The following ALDH18A1 variants were observed in gnomAD, a reference collection of about 807,000 sequenced individuals.
ALDH18A1 encodes delta-1-pyrroline-5-carboxylate synthase.
ALDH18A1 carries 44 observed loss-of-function variants against 88.8 expected under a neutral mutation model. The ratio of observed to expected loss-of-function variants is 0.50; its 90% CI spans 0.39 to 0.64. The LOEUF is 0.64. Among genes scored for constraint, ALDH18A1 ranks in the 30% least tolerant of loss-of-function variants. The pLI, the probability that ALDH18A1 is intolerant of heterozygous loss-of-function variation, is 0.00. For synonymous variants in ALDH18A1, 331 were observed against 372.1 expected, an observed-to-expected ratio of 0.89 and a Z score of 1.27; for missense variants, 782 against 1,009.5, an observed-to-expected ratio of 0.77 and a Z score of 3.05.
In ALDH18A1 at chr10:95,606,811, A is replaced by G; in HGVS notation, c.2339T>C (p.Leu780Ser). ...VVSDFSEHGS[L>S]KYLHENLPIP... ...AGGGAGGTTCTCATGAAGATATTTTAAACTTCCATGCTCTGAGAAATCTGA... is the reference window on the plus strand; with the variant it reads ...AGGGAGGTTCTCATGAAGATATTTTGAACTTCCATGCTCTGAGAAATCTGA... Residue 780 changes from leucine to serine, a missense_variant, in exon 18 of 18, where the codon TTA (leucine) becomes TCA (serine). Transcript: ENST00000371224. The G allele has an allele frequency of 6.2e-7, 1 of 1,614,116 alleles. No individual in the cohort carries two copies. Among genetic ancestry groups the G allele is most frequent in the Admixed American group, 1.7e-5 (1 of 60,014 alleles).
At chr10:95,642,366 C>A (rs2097893355) in intron 3 of ALDH18A1, among the ~76,000 whole-genome samples, 1 of 152,208 alleles carries the variant, frequency 6.6e-6, no homozygotes, top group Non-Finnish European at 1.5e-5. Flanking sequence ...GCAGGCCCAG[C>A]ACTTTGGGAG....
intron 10 of ALDH18A1, among the ~76,000 whole-genome samples, 189 bp from the exon 11 acceptor site, chr10:95,625,644 C>T (rs2097859290): frequency 6.6e-6 from 1 of 152,036 alleles, no homozygotes; most frequent in African/African-American, 2.4e-5. Context: ...TCCTTCCTCT[C>T]TCACTGCCAA....
rs1183327194 is a variant in ALDH18A1, at chr10:95,643,111, C to T, written c.184G>A (p.Ala62Thr). The T allele has an allele frequency of 3.7e-6, 6 of 1,614,162 alleles. No homozygotes were observed. Among genetic ancestry groups the T allele is most frequent in the Admixed American group, 1.7e-5 (1 of 60,018 alleles). ...GCATGCTTCAGCTCACTGCGGTGGG[C>T]GAAGGACTTGCCATGTGTACGACTG... ...PLSRTHGKSF[A>T]HRSELKHAKR... Residue 62 changes from alanine (A) to threonine (T), a missense_variant, in exon 3 of 18, where the codon GCC (alanine) becomes ACC (threonine). By Grantham distance (58) the Ala-to-Thr change is moderately conservative. Transcript: ENST00000371224.
chr10:95,643,096 G>T lies in ALDH18A1; in HGVS notation c.199C>A (p.Leu67Met), dbSNP rs1566039421. The T allele has an allele frequency of 6.2e-7, 1 of 1,614,118 alleles. No homozygotes were observed. Among genetic ancestry groups the T allele is most frequent in the South Asian group, 1.1e-5 (1 of 91,094 alleles). ...ACCACGATTCTCTTGGCATGCTTCA[G>T]CTCACTGCGGTGGGCGAAGGACTTG... is the stretch of plus-strand genomic sequence containing the variant. Reference protein sequence around the residue: ...HGKSFAHRSELKHAKRIVVKL... With the variant: ...HGKSFAHRSEMKHAKRIVVKL... Residue 67 changes from leucine (L) to methionine (M), a missense_variant, in exon 3 of 18, where the codon CTG becomes ATG. By Grantham distance (15) the Leu-to-Met change is conservative. Around this residue, in one of 3 missense-constraint regions of ALDH18A1, gnomAD observed 94 missense variants for 99.5 expected, o/e 0.94. Coordinates refer to ENST00000371224, the MANE Select transcript of ALDH18A1 (RefSeq NM_002860.4).
chr10:95,634,864 G>A lies in ALDH18A1; in HGVS notation c.559-1215C>T, dbSNP rs185330946. On this transcript the variant is annotated intron_variant, in intron 5 of 17. Coordinates refer to ENST00000371224, the MANE Select transcript of ALDH18A1 (RefSeq NM_002860.4). Reference sequence around the variant, plus strand: ...ATAATGCAATCTCTCTAATGTTTACGGAAGAGCGTTCTTGCTGTGTAGGGC... The same window carrying A: ...ATAATGCAATCTCTCTAATGTTTACAGAAGAGCGTTCTTGCTGTGTAGGGC... Among the ~76,000 whole-genome samples the A allele has an allele frequency of 1.8e-3, 278 of 152,276 alleles. 5 individuals are homozygous for A. The highest frequency in any genetic ancestry group is 6.1e-3 in the African/African-American group (255 of 41,564).
Position 95,627,545 on chromosome 10 carries a change from A to C in ALDH18A1, c.975T>G (p.Val325=). 6.2e-7 allele frequency: 1 copy of C among 1,614,136 alleles called. No homozygotes were observed. Among genetic ancestry groups the C allele is most frequent in the Non-Finnish European group, 8.5e-7 (1 of 1,179,978 alleles). ...TTGGGTGGGTTCCATTGGCAATAAC[A>C]ACAGAAGTGCCACCTTGCAAAGCCC... ...ALWALQGGTS[V]VIANGTHPKV... is the part of the protein sequence containing the mutation. The change falls in exon 9 of 18, where the codon GTT becomes GTG. Residue 325 remains valine, a synonymous_variant. Transcript: ENST00000371224.
At chr10:95,642,923 A>T in intron 3 of ALDH18A1, 69 bp downstream of exon 3, 1 of 1,477,464 alleles carries the variant, frequency 6.8e-7, no homozygotes, top group Non-Finnish European at 9.4e-7. Flanking sequence ...TGAGCAACTT[A>T]AACCTAATCT....
At chr10:95,647,854 G>C (rs1589568351) in intron 2 of ALDH18A1, among the ~76,000 whole-genome samples, 1 of 152,382 alleles carries the variant, frequency 6.6e-6, no homozygotes, top group Non-Finnish European at 1.5e-5. Flanking sequence ...ACAAGGTTCG[G>C]AGAGCTTCCA....
At chr10:95,611,204 T>A in intron 16 of ALDH18A1, 52 bp downstream of exon 16, 1 of 1,607,694 alleles carries the variant, frequency 6.2e-7, no homozygotes, top group Non-Finnish European at 8.5e-7. Flanking sequence ...AGGAGCAGGA[T>A]CAGAAAGCAG....
chr10:95,632,117 G>T (rs73327043), intron 7 of ALDH18A1, among the ~76,000 whole-genome samples: 2 of 151,960 alleles, frequency 1.3e-5, no homozygotes, highest in Non-Finnish European at 2.9e-5. Context: ...GAAAAAAGCC[G>T]GTCACAAAGG....
At chr10:95,613,894 A>ATT (rs1315540323) in intron 14 of ALDH18A1, 31 bp from the exon 15 acceptor site, 2 of 1,614,170 alleles carry the variant, frequency 1.2e-6, no homozygotes, top group African/African-American at 1.3e-5. Context: ...AATTGTTTCC[A>ATT]TTGACATGAT....
chr10:95,624,005 T>C (rs1445583176), intron 11 of ALDH18A1, among the ~76,000 whole-genome samples: 2 of 150,768 alleles, frequency 1.3e-5, no homozygotes, highest in Non-Finnish European at 1.5e-5. Context: ...CCAGCAGTAA[T>C]TTTTGTATTT....
chr10:95,634,679 G>A (rs1213289454), intron 5 of ALDH18A1, among the ~76,000 whole-genome samples: 1 of 152,206 alleles, frequency 6.6e-6, no homozygotes, highest in East Asian at 1.9e-4. Flanking sequence ...TGAGCATAAG[G>A]TGCTCAAAGG....
intron 5 of ALDH18A1, among the ~76,000 whole-genome samples, chr10:95,634,486 A>T (rs1229488936): frequency 1.3e-5 from 2 of 152,218 alleles, no homozygotes; most frequent in Non-Finnish European, 2.9e-5. Context: ...GAGTGAGTGA[A>T]AGTGTATTAG....
chr10:95,610,482 TCA>T (rs2097831940), intron 16 of ALDH18A1, among the ~76,000 whole-genome samples, 190 bp from the exon 17 acceptor site: 1 of 152,202 alleles, frequency 6.6e-6, no homozygotes, highest in Middle Eastern at 3.2e-3. Context: ...GCTTCATCAA[TCA>T]CGGTGTTGTG....
chr10:95,606,904 C>T lies in ALDH18A1; in HGVS notation c.2246G>A (p.Arg749Gln), dbSNP rs748925635. 10 of 1,614,158 alleles carry T rather than the reference C, an allele frequency of 6.2e-6. No individual in the cohort carries two copies. The highest frequency in any genetic ancestry group is 2.2e-5 in the East Asian group (1 of 44,886). Residue 749 changes from arginine to glutamine, a missense_variant, in exon 18 of 18, where the codon CGG becomes CAG. By Grantham distance (43) the Arg-to-Gln change is conservative (BLOSUM62 1). Transcript: ENST00000371224. Reference protein sequence around the residue: ...VGISTSRIHARGPVGLEGLLT... With the variant: ...VGISTSRIHAQGPVGLEGLLT... ...CAGTCCCTCAAGTCCTACTGGTCCCCGGGCGTGGATTCTCGATGTACTGAT... is the reference window on the plus strand; with the variant it reads ...CAGTCCCTCAAGTCCTACTGGTCCCTGGGCGTGGATTCTCGATGTACTGAT...
Position 95,621,091 on chromosome 10 carries a change from C to A in ALDH18A1, c.1407G>T (p.Val469=). Reference sequence around the variant, plus strand: ...CCAGCAGAACTCCAATTGGGACAGTCACTTGTTCCAGTTCCAAGTTTTTGG... The same window carrying A: ...CCAGCAGAACTCCAATTGGGACAGTAACTTGTTCCAGTTCCAAGTTTTTGG... The part of the protein sequence containing the change: ...RIAKNLELEQ[V]TVPIGVLLVI... Residue 469 remains valine (V), a synonymous_variant, in exon 12 of 18, where the codon GTG becomes GTT. Transcript: ENST00000371224. 6.2e-7 allele frequency: 1 copy of A among 1,614,156 alleles called. No individual in the cohort carries two copies. Among genetic ancestry groups the A allele is most frequent in the South Asian group, 1.1e-5 (1 of 91,070 alleles).
At chr10:95,627,690 A>C (rs2097862417) in intron 8 of ALDH18A1, 104 bp from the exon 9 acceptor site, 17 of 1,333,220 alleles carry the variant, frequency 1.3e-5, no homozygotes, top group Non-Finnish European at 1.8e-5. Flanking sequence ...TGAACAACTT[A>C]AGTATATGAG....
intron 1 of ALDH18A1, among the ~76,000 whole-genome samples, chr10:95,653,850 C>T (rs1487606894): frequency 6.6e-6 from 1 of 152,216 alleles, no homozygotes; most frequent in Non-Finnish European, 1.5e-5. Context: ...TCAGCTTGAT[C>T]CTTGCCAGCC....
Sources: gnomAD v4.1 joint callset for allele counts (sites outside exome capture counted in the v4.1 genomes callset) on GRCh38, gnomAD v4.1.1 for gene constraint, gnomAD v4.1.1 regional missense constraint, MANE v1.5 for transcripts, NCBI Gene and HGNC (gene_info 2026-07-23, HGNC 2026-07-21) for gene names.